Variants in GRM5 observed in about 807,000 individuals in gnomAD.
GRM5 encodes the protein glutamate metabotropic receptor 5.
A neutral mutation model predicts 83.1 loss-of-function variants in GRM5; 19 were observed. The ratio of observed to expected loss-of-function variants is 0.23; its 90% CI spans 0.16 to 0.34. The LOEUF (loss-of-function observed/expected upper bound fraction) is 0.34, where lower values mean the gene tolerates loss of function less well. Among genes scored for constraint, GRM5 ranks in the 10% least tolerant of loss-of-function variants. The pLI is 1.00. For synonymous variants in GRM5, 675 were observed against 633.6 expected (o/e 1.07, Z -0.98); for missense variants, 1,160 against 1,588.3 (o/e 0.73, Z 4.58).
chr11:88,982,181 T>C (rs1939546339), intron 2 of GRM5, among the ~76,000 whole-genome samples: 1 of 152,198 alleles, frequency 6.6e-6, no homozygotes. Context: ...GTCACTAAAA[T>C]TATTTTCTCA....
intron 3 of GRM5, among the ~76,000 whole-genome samples, chr11:88,678,170 C>A (rs575576882): frequency 6.6e-6 from 1 of 151,898 alleles, no homozygotes; most frequent in Non-Finnish European, 1.5e-5. Context: ...GTGATTCTCC[C>A]ATTGCAGTCC....
At position 88,508,795 on chromosome 11, in the gene GRM5, C is replaced by A. The variant is rs201561957; in HGVS notation, c.3436G>T (p.Ala1146Ser). ...TTGGCGGCCGCAGCCTCGGGACCGG[C>A]CGCGGGGCTCTCCCGGGCCGCGTCC... ...AGDAARESPA[A>S]GPEAAAAKPD... Residue 1146 changes from alanine (A) to serine (S), a missense_variant, in exon 10 of 10, where the codon GCC becomes TCC. Coordinates refer to ENST00000305447, the MANE Select transcript of GRM5 (RefSeq NM_001143831.3). The surrounding 1 kb of genome is among the most constrained non-coding windows in gnomAD (Gnocchi z 4.2). 256 of 1,467,490 alleles carry A rather than the reference C, an allele frequency of 1.7e-4. 1 individual carries two copies. The African/African-American group carries it at 3.3e-3, about 19-fold the overall frequency. The allele number at this position is 1,467,490 out of a possible 1,614,324, so 90.9% of individuals were successfully genotyped here. A position where few individuals can be genotyped will look rare whatever the true frequency, so the allele number is the denominator to read the frequency against.
chr11:88,876,716 G>A (rs1944859383), intron 2 of GRM5, among the ~76,000 whole-genome samples: 1 of 152,022 alleles, frequency 6.6e-6, no homozygotes, highest in Non-Finnish European at 1.5e-5. Context: ...CTGACAACAG[G>A]GAAGCCCCAA....
At chr11:88,777,682 C>T (rs1318214749) in intron 3 of GRM5, among the ~76,000 whole-genome samples, 1 of 152,196 alleles carries the variant, frequency 6.6e-6, no homozygotes, top group African/African-American at 2.4e-5. Context: ...TTCCTTCTAA[C>T]AGTCAGGTCC....
chr11:88,555,869 A>C (rs1248585798), intron 8 of GRM5, among the ~76,000 whole-genome samples: 2 of 152,134 alleles, frequency 1.3e-5, no homozygotes, highest in African/African-American at 2.4e-5. Flanking sequence ...GTGATTTATC[A>C]TTTAGTTTCT....
chr11:88,599,472 T>G (rs1937915042), intron 5 of GRM5, among the ~76,000 whole-genome samples: 1 of 152,180 alleles, frequency 6.6e-6, no homozygotes, highest in Admixed American at 6.5e-5. Context: ...CTTGTTTTAG[T>G]ACACTAAAAA....
intron 3 of GRM5, among the ~76,000 whole-genome samples, chr11:88,818,733 CAT>C (rs1352635613): frequency 6.6e-6 from 1 of 152,038 alleles, no homozygotes; most frequent in Non-Finnish European, 1.5e-5. Flanking sequence ...GACTAATAAA[CAT>C]ATGTCTCTAA....
At chr11:88,523,784 C>T (rs1009205542) in intron 9 of GRM5, among the ~76,000 whole-genome samples, 1 of 152,156 alleles carries the variant, frequency 6.6e-6, no homozygotes, top group South Asian at 2.1e-4. Context: ...GAATAGTCCA[C>T]CAGCAGTTGT....
intron 9 of GRM5, chr11:88,512,001 A>G (rs1941384960): frequency 6.6e-6 from 1 of 152,252 alleles, no homozygotes; most frequent in Non-Finnish European, 1.5e-5. Context: ...CTCCTAGTAC[A>G]GAGAGGTTTT....
At chr11:88,833,335 C>T (rs12293457) in intron 3 of GRM5, among the ~76,000 whole-genome samples, 3,881 of 151,822 alleles carry the variant, frequency 0.026, 176 homozygotes, top group African/African-American at 0.089. Context: ...AAGACATGAA[C>T]AGACATTTCT....
intron 7 of GRM5, among the ~76,000 whole-genome samples, chr11:88,582,667 T>C (rs147256477): frequency 2.0e-5 from 3 of 152,172 alleles, no homozygotes; most frequent in Non-Finnish European, 4.4e-5. Context: ...TAAAGAATCA[T>C]AAACAAATAA....
rs1486283688 is a variant in GRM5, at chr11:88,509,067, C to A, written c.3164G>T (p.Gly1055Val). Residue 1055 changes from glycine to valine, a missense_variant, in exon 10 of 10, where the codon GGC becomes GTC. Physicochemically the swap from Gly to Val is moderately radical, Grantham distance 109. Coordinates refer to ENST00000305447, the MANE Select transcript of GRM5 (RefSeq NM_001143831.3). ...EPVARSSSSQ[G>V]SLMEQISSVV... ...ACTGCTGATCTGCTCCATGAGGGAG[C>A]CCTGCGAGGAGCTGCTGCGCGCCAC... The A allele has an allele frequency of 6.4e-7, 1 of 1,554,094 alleles. No homozygotes were observed. Among genetic ancestry groups the A allele is most frequent in the African/African-American group, 1.4e-5 (1 of 73,186 alleles).
intron 2 of GRM5, among the ~76,000 whole-genome samples, chr11:88,958,087 T>A (rs1938676272): frequency 6.6e-6 from 1 of 151,894 alleles, no homozygotes. Context: ...GGACAACACT[T>A]TAACTCAACT....
At chr11:88,673,675 C>T (rs987854466) in intron 3 of GRM5, among the ~76,000 whole-genome samples, 6 of 151,400 alleles carry the variant, frequency 4.0e-5, no homozygotes, top group African/African-American at 7.3e-5. Context: ...TTTGTATTGC[C>T]CCCAAATGGT....
At chr11:88,872,021 C>G (rs1008903688) in intron 2 of GRM5, among the ~76,000 whole-genome samples, 44 of 151,372 alleles carry the variant, frequency 2.9e-4, no homozygotes, top group African/African-American at 8.0e-4. Flanking sequence ...CATTATATCA[C>G]ACAGAAACCT....
intron 1 of GRM5, among the ~76,000 whole-genome samples, chr11:89,050,413 G>T (rs1277226466): frequency 1.3e-5 from 2 of 152,088 alleles, no homozygotes; most frequent in Non-Finnish European, 2.9e-5. Flanking sequence ...AAATATACAA[G>T]CTCCCTATAC....
intron 2 of GRM5, among the ~76,000 whole-genome samples, chr11:88,964,396 C>G (rs1713241267): frequency 6.6e-6 from 1 of 151,616 alleles, no homozygotes; most frequent in Non-Finnish European, 1.5e-5. Context: ...ACTAGACTCT[C>G]CAGACTTAAA....
At chr11:89,023,205 G>A (rs142111493) in intron 2 of GRM5, among the ~76,000 whole-genome samples, 100 of 152,030 alleles carry the variant, frequency 6.6e-4, no homozygotes, top group Middle Eastern at 3.4e-3. Context: ...TGGGTACATG[G>A]AAAATATCAG....
At chr11:88,746,513 C>T (rs917700275) in intron 3 of GRM5, among the ~76,000 whole-genome samples, 1 of 150,398 alleles carries the variant, frequency 6.6e-6, no homozygotes, top group African/African-American at 2.5e-5. Context: ...CTATAGTGGA[C>T]AATTTATTTT....
Sources: gnomAD v4.1 joint callset for allele counts (sites outside exome capture counted in the v4.1 genomes callset) on GRCh38, gnomAD v4.1.1 for gene constraint, Gnocchi (gnomAD v3.1) non-coding constraint, MANE v1.5 for transcripts, NCBI Gene and HGNC (gene_info 2026-07-23, HGNC 2026-07-21) for gene names.